Variants in NID1 observed in about 807,000 individuals in gnomAD.
NID1 encodes the protein nidogen 1, also known as nidogen-1.
NID1 carries 76 observed loss-of-function variants against 130.6 expected under a neutral mutation model. The ratio of observed to expected loss-of-function variants is 0.58; its 90% confidence interval spans 0.48 to 0.70. The LOEUF is 0.70. NID1 is among the 30% of genes least tolerant of loss of function. The probability of loss-of-function intolerance (pLI) is 0.00; values close to 1 mark genes in which losing one functional copy is unlikely to be tolerated. For missense variants in NID1, 1,517 were observed against 1,664.8 expected, an observed-to-expected ratio of 0.91 and a Z score of 1.54; for synonymous variants, 665 against 675.1, an observed-to-expected ratio of 0.98 and a Z score of 0.23.
chr1:236,014,289 C>T (rs973554863), intron 10 of NID1, among the ~76,000 whole-genome samples: 2 of 147,316 alleles, frequency 1.4e-5, no homozygotes, highest in East Asian at 4.0e-4. Context: ...CTTAAGAAGA[C>T]TCATGGAGGA....
At chr1:235,991,321 A>C (rs1233706433) in intron 13 of NID1, among the ~76,000 whole-genome samples, 1 of 152,128 alleles carries the variant, frequency 6.6e-6, no homozygotes, top group Non-Finnish European at 1.5e-5. Context: ...GTCACGTGAA[A>C]AAAAATGGCT....
chr1:235,980,038 A>G, intron 17 of NID1, 93 bp from the exon 18 acceptor site: 1 of 1,392,690 alleles, frequency 7.2e-7, no homozygotes, highest in South Asian at 1.2e-5. Context: ...AGAGTGGGAG[A>G]AATTAAGCAT....
At position 235,989,661 on chromosome 1, in the gene NID1, C is replaced by T. The variant is rs118135007; in HGVS notation, c.2928+1225G>A. Among the ~76,000 whole-genome samples the T allele has an allele frequency of 4.7e-4, 71 of 152,244 alleles. 1 individual carries two copies. In the East Asian group the frequency reaches 0.013, roughly 27 times the overall value. On this transcript the variant is annotated intron_variant, in intron 14 of 19. Coordinates refer to ENST00000264187, the MANE Select transcript of NID1 (RefSeq NM_002508.3). ...TTAATGCATCACATAGTGCCAAGAGCGCTGATGAAATACAAAGCAGCATAA... is the reference window on the plus strand; with the variant it reads ...TTAATGCATCACATAGTGCCAAGAGTGCTGATGAAATACAAAGCAGCATAA...
intron 1 of NID1, among the ~76,000 whole-genome samples, chr1:236,056,445 T>A (rs1349940161): frequency 6.6e-6 from 1 of 152,208 alleles, no homozygotes; most frequent in African/African-American, 2.4e-5. Context: ...ATCAGGATAA[T>A]TAGGAAATTC....
At chr1:236,012,855 C>A (rs1184256594) in intron 11 of NID1, among the ~76,000 whole-genome samples, 1 of 152,162 alleles carries the variant, frequency 6.6e-6, no homozygotes, top group African/African-American at 2.4e-5. Context: ...AACCAAGAAA[C>A]TCAGGGTACT....
chr1:236,045,519 C>T lies in NID1; in HGVS notation c.690G>A (p.Trp230Ter). The change falls in exon 3 of 20, where the codon TGG (tryptophan) becomes TGA (stop). Residue 230 changes from tryptophan (W) to a stop codon, truncating the protein, a stop_gained. Transcript: ENST00000264187. LOFTEE classifies it high-confidence loss of function. ...ATATGTTATAAGCTCCGTTGCTCTT[C>T]CATAAGAATCCCACTGAACCTTGAC... is the stretch of plus-strand genomic sequence containing the variant. ...AFSQGSVGFL[W>*]KSNGAYNIFA... The T allele has an allele frequency of 6.2e-7, 1 of 1,614,166 alleles. No individual in the cohort carries two copies. Among genetic ancestry groups the T allele is most frequent in the Non-Finnish European group, 8.5e-7 (1 of 1,180,032 alleles).
intron 4 of NID1, among the ~76,000 whole-genome samples, chr1:236,038,474 C>G (rs1004219407): frequency 2.6e-5 from 4 of 152,052 alleles, no homozygotes; most frequent in Non-Finnish European, 4.4e-5. Context: ...CTGAGGCAAA[C>G]AGGTCTAAAA....
chr1:236,009,397 C>T (rs1445119403), intron 12 of NID1, among the ~76,000 whole-genome samples: 1 of 152,202 alleles, frequency 6.6e-6, no homozygotes, highest in African/African-American at 2.4e-5. Context: ...TGTTTATAAA[C>T]TCCCAGTCTA....
intron 7 of NID1, among the ~76,000 whole-genome samples, chr1:236,028,577 C>A (rs1227183094): frequency 1.3e-5 from 2 of 152,084 alleles, no homozygotes; most frequent in Non-Finnish European, 2.9e-5. Context: ...ATTTTGATAA[C>A]TGTACTGTGG....
At chr1:236,057,709 A>G (rs773108425) in intron 1 of NID1, among the ~76,000 whole-genome samples, 2 of 152,162 alleles carry the variant, frequency 1.3e-5, no homozygotes, top group Non-Finnish European at 2.9e-5. Context: ...GAAGGAAAGA[A>G]AGAAAGACGG....
chr1:235,996,470 T>A (rs1210152839), intron 12 of NID1, among the ~76,000 whole-genome samples: 2 of 152,092 alleles, frequency 1.3e-5, no homozygotes, highest in African/African-American at 4.8e-5. Flanking sequence ...TAAGACAGGA[T>A]TTCACTCTGT....
intron 12 of NID1, among the ~76,000 whole-genome samples, chr1:235,995,023 T>C (rs1657883506): frequency 6.6e-6 from 1 of 152,226 alleles, no homozygotes; most frequent in South Asian, 2.1e-4. Context: ...ATGTCCTGCT[T>C]TTTGGCATGG....
In NID1 at chr1:235,975,954, TA is replaced by T. The variant is rs1657236330; in HGVS notation, c.*1912del. On this transcript the variant is annotated 3_prime_UTR_variant, in exon 20 of 20. Coordinates refer to ENST00000264187, the MANE Select transcript of NID1 (RefSeq NM_002508.3). ...AGCACCTTCAGTGGTTTCCACAGTTTAAGAATTTACCATTAAAAAATTTTAG... is the reference window on the plus strand; with the variant it reads ...AGCACCTTCAGTGGTTTCCACAGTTTAGAATTTACCATTAAAAAATTTTAG... 1 of 152,650 alleles carries T rather than the reference TA, an allele frequency of 6.6e-6. No individual in the cohort carries two copies. The highest frequency in any genetic ancestry group is 2.1e-4 in the South Asian group (1 of 4,830). 9.5% of individuals were successfully genotyped at this position (152,650 alleles called of 1,614,324 possible).
intron 10 of NID1, 32 bp downstream of exon 10, chr1:236,017,116 T>C (rs369489317): frequency 6.2e-7 from 1 of 1,613,626 alleles, no homozygotes; most frequent in Non-Finnish European, 8.5e-7. Flanking sequence ...ACCATGTGAA[T>C]ACTGTTTCGA....
intron 12 of NID1, among the ~76,000 whole-genome samples, chr1:236,001,538 G>T (rs983941949): frequency 2.0e-5 from 3 of 152,144 alleles, no homozygotes; most frequent in Non-Finnish European, 2.9e-5. Context: ...ATCTGACATG[G>T]TCTTCATCCT....
intron 6 of NID1, among the ~76,000 whole-genome samples, chr1:236,030,319 G>T (rs1019305159): frequency 6.6e-6 from 1 of 152,192 alleles, no homozygotes; most frequent in Non-Finnish European, 1.5e-5. Flanking sequence ...GCCCCAGACA[G>T]GCAGGAAAAA....
chr1:236,040,187 C>T (rs1247008823), intron 4 of NID1, among the ~76,000 whole-genome samples: 1 of 152,108 alleles, frequency 6.6e-6, no homozygotes, highest in African/African-American at 2.4e-5. Flanking sequence ...AGGAAACACA[C>T]CCAACACATC....
Position 235,977,284 on chromosome 1 carries a change from A to ATATT in NID1, c.*579_*582dup, listed in dbSNP as rs1168635828. On this transcript the variant is annotated 3_prime_UTR_variant, in exon 20 of 20. Coordinates refer to ENST00000264187, the MANE Select transcript of NID1 (RefSeq NM_002508.3). ...GTTTTGATGAAAAAGCAGCGCATGA[A>ATATT]TATTATAATGGGGGTCTTAGACAAG... 5 of 152,710 alleles carry ATATT rather than the reference A, an allele frequency of 3.3e-5. No homozygotes were observed. The highest frequency in any genetic ancestry group is 7.3e-5 in the Non-Finnish European group (5 of 68,426). The allele number at this position is 152,710 out of a possible 1,614,324, so 9.5% of individuals were successfully genotyped here.
At chr1:236,022,804 T>A (rs1243253072) in intron 9 of NID1, among the ~76,000 whole-genome samples, 1 of 151,006 alleles carries the variant, frequency 6.6e-6, no homozygotes, top group Non-Finnish European at 1.5e-5. Flanking sequence ...AGCTCACACC[T>A]GTAATCCCAG....
Sources: gnomAD v4.1 joint callset for allele counts (sites outside exome capture counted in the v4.1 genomes callset) on GRCh38, gnomAD v4.1.1 for gene constraint, MANE v1.5 for transcripts, NCBI Gene and HGNC (gene_info 2026-07-23, HGNC 2026-07-21) for gene names.